RASSF10: variants seen among roughly 807,000 people sequenced by gnomAD.
RASSF10 encodes the protein ras association domain-containing protein 10.
Under a neutral mutation model 41.5 loss-of-function variants are expected in RASSF10, and 22 were observed. The observed-to-expected ratio is 0.53, with a 90% CI of 0.38 to 0.76. The LOEUF is 0.76. Among genes scored for constraint, RASSF10 ranks in the 30% least tolerant of loss-of-function variants. The probability of loss-of-function intolerance (pLI) is 0.00; values close to 1 mark genes in which losing one functional copy is unlikely to be tolerated. For synonymous variants in RASSF10, 364 were observed against 319.0 expected (o/e 1.14, Z -1.50); for missense variants, 776 against 711.8 (o/e 1.09, Z -1.03).
rs1199409041 is a variant in RASSF10 at position 13,011,982 on chromosome 11, G to T, written c.*882G>T. The stretch of plus-strand genomic sequence containing the variant: ...TTATTTCAGAAAAAAATAAAAGGAA[G>T]TAGCAGAATTCAAGTTACGCAAAAC... On this transcript the variant is annotated 3_prime_UTR_variant, in exon 1 of 1. Coordinates refer to ENST00000529419, the MANE Select transcript of RASSF10 (RefSeq NM_001080521.3). 3 of 152,226 alleles carry T rather than the reference G, an allele frequency of 2.0e-5. No homozygotes were observed. The highest frequency in any genetic ancestry group is 7.2e-5 in the African/African-American group (3 of 41,468). The allele number at this position is 152,226 out of a possible 1,614,324, so 9.4% of individuals were successfully genotyped here. A position where few individuals can be genotyped will look rare whatever the true frequency, so the allele number is the denominator to read the frequency against.
In RASSF10 at chr11:13,009,600, A is replaced by G; in HGVS notation, c.24A>G (p.Ile8Met). ...CCATGGATCCTTCGGAAAAGAAGAT[A>G]TCGGTGTGGATCTGCCAGGAAGAGA... Reference protein sequence around the residue: MDPSEKKISVWICQEEKL... With the variant: MDPSEKKMSVWICQEEKL... Residue 8 changes from isoleucine (I) to methionine (M), a missense_variant, in exon 1 of 1, where the codon ATA becomes ATG. Transcript: ENST00000529419. 6.2e-7 allele frequency: 1 copy of G among 1,611,072 alleles called. No homozygotes were observed. The highest frequency in any genetic ancestry group is 8.5e-7 in the Non-Finnish European group (1 of 1,178,696).
rs990379322 is a variant in RASSF10 at position 13,011,214 on chromosome 11, C to A, written c.*114C>A. On this transcript the variant is annotated 3_prime_UTR_variant, in exon 1 of 1. Coordinates refer to ENST00000529419, the MANE Select transcript of RASSF10 (RefSeq NM_001080521.3). ...CCAGGCTGTTGCGAGCCCAGAGCTC[C>A]GGCTGGGCAGCAGCGCTCTGCGCAG... The A allele has an allele frequency of 1.2e-6, 1 of 859,306 alleles. No individual in the cohort carries two copies. Among genetic ancestry groups the A allele is most frequent in the Non-Finnish European group, 1.8e-6 (1 of 570,446 alleles). 53.2% of individuals were successfully genotyped at this position (859,306 alleles called of 1,614,324 possible). A position where few individuals can be genotyped will look rare whatever the true frequency, so the allele number is the denominator to read the frequency against.
At position 13,009,445 on chromosome 11, in the gene RASSF10, G is replaced by A. The variant is rs757273109; in HGVS notation, c.-132G>A. On this transcript the variant is annotated 5_prime_UTR_variant, in exon 1 of 1. Coordinates refer to ENST00000529419, the MANE Select transcript of RASSF10 (RefSeq NM_001080521.3). Reference sequence around the variant, plus strand: ...AGCCTGCCTTCGGTGCGCAGCGGGGGAACAGGGCTAGTGCAGCCGCCGGAG... The same window carrying A: ...AGCCTGCCTTCGGTGCGCAGCGGGGAAACAGGGCTAGTGCAGCCGCCGGAG... 3 of 1,499,128 alleles carry A rather than the reference G, an allele frequency of 2.0e-6. No individual in the cohort carries two copies. Among genetic ancestry groups the A allele is most frequent in the Middle Eastern group, 1.8e-4 (1 of 5,502 alleles). The allele number at this position is 1,499,128 out of a possible 1,614,324, so 92.9% of individuals were successfully genotyped here.
chr11:13,010,818 C>T lies in RASSF10; in HGVS notation c.1242C>T (p.Asp414=), dbSNP rs376400099. The T allele has an allele frequency of 1.3e-5, 21 of 1,613,720 alleles. No homozygotes were observed. The highest frequency in any genetic ancestry group is 1.8e-5 in the Non-Finnish European group (21 of 1,179,856). The change falls in exon 1 of 1, where the codon GAC becomes GAT. Residue 414 remains aspartate (D), a synonymous_variant. Transcript: ENST00000529419. The surrounding 1 kb of genome is among the most constrained non-coding windows in gnomAD (Gnocchi z 4.8). Reference sequence around the variant, plus strand: ...CGGACCTAGAGGCCGTCAAGTCGGACTTGGATTACAGCCAGCAGCAATGGG... The same window carrying T: ...CGGACCTAGAGGCCGTCAAGTCGGATTTGGATTACAGCCAGCAGCAATGGG... ...LNTDLEAVKS[D]LDYSQQQWDS...
At position 13,010,176 on chromosome 11, in the gene RASSF10, G is replaced by A. The variant is rs755686531; in HGVS notation, c.600G>A (p.Ser200=). The A allele has an allele frequency of 1.9e-6, 3 of 1,591,128 alleles. No homozygotes were observed. Among genetic ancestry groups the A allele is most frequent in the Non-Finnish European group, 2.6e-6 (3 of 1,170,396 alleles). Residue 200 remains serine, a synonymous_variant, in exon 1 of 1, where the codon TCG becomes TCA. Transcript: ENST00000529419. This position sits in a 1 kb window ranked among gnomAD's most constrained non-coding sequence, Gnocchi z 4.8. ...RRQQQTPSSC[S]STSSSTASSC... ...AGCAGCAGACACCGTCGTCCTGTTC[G>A]TCCACTTCGTCGTCCACTGCCTCGT...
At position 13,010,648 on chromosome 11, in the gene RASSF10, T is replaced by A. The variant is rs769018272; in HGVS notation, c.1072T>A (p.Trp358Arg). The change falls in exon 1 of 1, where the codon TGG becomes AGG. Residue 358 changes from tryptophan to arginine, a missense_variant. Trp to Arg is a moderately radical substitution (Grantham distance 101). Transcript: ENST00000529419. The surrounding 1 kb of genome is among the most constrained non-coding windows in gnomAD (Gnocchi z 4.8). ...GATTCAGGAGGAACTCAACCAGAGG[T>A]GGATGCGACGGCGCCAGGAGGAGCT... is the stretch of plus-strand genomic sequence containing the variant. Reference protein sequence around the residue: ...AEIQEELNQRWMRRRQEELAA... With the variant: ...AEIQEELNQRRMRRRQEELAA... 6.3e-7 allele frequency: 1 copy of A among 1,590,908 alleles called. No individual in the cohort carries two copies. The highest frequency in any genetic ancestry group is 1.1e-5 in the South Asian group (1 of 87,500).
chr11:13,010,925 G>C lies in RASSF10; in HGVS notation c.1349G>C (p.Gly450Ala). ...ACGGTGGCACCGGATGGGGCTCCTG[G>C]CTCTGGCAGTCCCTCGCGGGAACCT... is the stretch of plus-strand genomic sequence containing the variant. ...ELTVAPDGAP[G>A]SGSPSREPGP... Residue 450 changes from glycine to alanine, a missense_variant, in exon 1 of 1, where the codon GGC becomes GCC. Transcript: ENST00000529419. The surrounding 1 kb of genome is among the most constrained non-coding windows in gnomAD (Gnocchi z 4.8). 6.2e-7 allele frequency: 1 copy of C among 1,613,758 alleles called. No individual in the cohort carries two copies. The highest frequency in any genetic ancestry group is 8.5e-7 in the Non-Finnish European group (1 of 1,179,872).
At position 13,012,015 on chromosome 11, in the gene RASSF10, GCTGTCTAACAAGCACTCTTTGA is replaced by G. The variant is rs1390292001; in HGVS notation, c.*916_*937del. ...ATTCAAGTTACGCAAAACAAAACTTGCTGTCTAACAAGCACTCTTTGAAAGCAAAGATGTTTTAGTGTTCAGC... is the reference window on the plus strand; with the variant it reads ...ATTCAAGTTACGCAAAACAAAACTTGAAGCAAAGATGTTTTAGTGTTCAGC... On this transcript the variant is annotated 3_prime_UTR_variant, in exon 1 of 1. Coordinates refer to ENST00000529419, the MANE Select transcript of RASSF10 (RefSeq NM_001080521.3). 6.6e-6 allele frequency: 1 copy of G among 152,182 alleles called. No homozygotes were observed. The highest frequency in any genetic ancestry group is 1.5e-5 in the Non-Finnish European group (1 of 68,034). 9.4% of individuals were successfully genotyped at this position (152,182 alleles called of 1,614,324 possible).
Position 13,010,218 on chromosome 11 carries a change from G to A in RASSF10, c.642G>A (p.Pro214=). ...CTGCCTCGTCCTGCTCTTCGTCGCCGCGGACCCACGAGAGCGCGTCGGTGG... is the reference window on the plus strand; with the variant it reads ...CTGCCTCGTCCTGCTCTTCGTCGCCACGGACCCACGAGAGCGCGTCGGTGG... ...SSTASSCSSS[P]RTHESASVER... The change falls in exon 1 of 1, where the codon CCG becomes CCA. Residue 214 remains proline, a synonymous_variant. Transcript: ENST00000529419. The surrounding 1 kb of genome is among the most constrained non-coding windows in gnomAD (Gnocchi z 4.8). The A allele has an allele frequency of 6.3e-7, 1 of 1,591,900 alleles. No individual in the cohort carries two copies. The highest frequency in any genetic ancestry group is 1.2e-5 in the South Asian group (1 of 86,690).
At position 13,010,443 on chromosome 11, in the gene RASSF10, A is replaced by G. The variant is rs1949568503; in HGVS notation, c.867A>G (p.Arg289=). The G allele has an allele frequency of 1.3e-6, 2 of 1,541,462 alleles. No homozygotes were observed. Among genetic ancestry groups the G allele is most frequent in the Non-Finnish European group, 1.8e-6 (2 of 1,140,750 alleles). The change falls in exon 1 of 1, where the codon AGA becomes AGG. Residue 289 remains arginine (R), a synonymous_variant. Transcript: ENST00000529419. The surrounding 1 kb of genome is among the most constrained non-coding windows in gnomAD (Gnocchi z 4.8). The part of the protein sequence containing the change: ...VGAGIELDGS[R]PGEEPEEVAA... ...CAGGCATCGAGCTCGACGGGTCCAG[A>G]CCGGGAGAGGAGCCAGAAGAGGTGG...
In RASSF10 at chr11:13,009,452, G is replaced by A; in HGVS notation, c.-125G>A. On this transcript the variant is annotated 5_prime_UTR_variant, in exon 1 of 1. Coordinates refer to ENST00000529419, the MANE Select transcript of RASSF10 (RefSeq NM_001080521.3). ...CTTCGGTGCGCAGCGGGGGAACAGG[G>A]CTAGTGCAGCCGCCGGAGGGGGGCA... is the stretch of plus-strand genomic sequence containing the variant. The A allele has an allele frequency of 2.0e-6, 3 of 1,506,240 alleles. No individual in the cohort carries two copies. Among genetic ancestry groups the A allele is most frequent in the African/African-American group, 1.4e-5 (1 of 71,896 alleles). The allele number at this position is 1,506,240 out of a possible 1,614,324, so 93.3% of individuals were successfully genotyped here.
rs1471536079 is a variant in RASSF10 at position 13,010,332 on chromosome 11, G to A, written c.756G>A (p.Glu252=). 1 of 1,551,592 alleles carries A rather than the reference G, an allele frequency of 6.4e-7. No individual in the cohort carries two copies. Among genetic ancestry groups the A allele is most frequent in the East Asian group, 2.4e-5 (1 of 40,920 alleles). Residue 252 remains glutamate (E), a synonymous_variant, in exon 1 of 1, where the codon GAG becomes GAA. Coordinates refer to ENST00000529419, the MANE Select transcript of RASSF10 (RefSeq NM_001080521.3). The surrounding 1 kb of genome is among the most constrained non-coding windows in gnomAD (Gnocchi z 4.8). ...AGCGGCTCCACGAGCTGGACCGCGA[G>A]ATCGATCACTACGAGGCCAAGGTGC... The part of the protein sequence containing the change: ...QVQRLHELDR[E]IDHYEAKVHL...
chr11:13,009,908 T>TG lies in RASSF10; in HGVS notation c.333dup (p.Arg112AlafsTer26), dbSNP rs770273317. The TG allele has an allele frequency of 6.2e-7, 1 of 1,602,720 alleles. No homozygotes were observed. The highest frequency in any genetic ancestry group is 8.5e-7 in the Non-Finnish European group (1 of 1,175,106). On this transcript the variant is annotated frameshift_variant, in exon 1 of 1. Coordinates refer to ENST00000529419, the MANE Select transcript of RASSF10 (RefSeq NM_001080521.3). LOFTEE classifies it high-confidence loss of function. ...ATCCTCCCCAACAAGACGCGCATCTTGCGCCTCTGGGCTGCCTGGGGCGAA... is the reference window on the plus strand; with the variant it reads ...ATCCTCCCCAACAAGACGCGCATCTTGGCGCCTCTGGGCTGCCTGGGGCGAA...
rs775746979 is a variant in RASSF10, at chr11:13,009,799, G to C, written c.223G>C (p.Asp75His). 6.2e-7 allele frequency: 1 copy of C among 1,607,136 alleles called. No homozygotes were observed. The highest frequency in any genetic ancestry group is 1.1e-5 in the South Asian group (1 of 90,082). ...PEPPNEDDED[D>H]DEALPQGMLC... Reference sequence around the variant, plus strand: ...ACCCCCGAACGAGGACGACGAGGACGACGACGAGGCGCTGCCGCAGGGCAT... The same window carrying C: ...ACCCCCGAACGAGGACGACGAGGACCACGACGAGGCGCTGCCGCAGGGCAT... Residue 75 changes from aspartate to histidine, a missense_variant, in exon 1 of 1, where the codon GAC becomes CAC. By Grantham distance (81) the Asp-to-His change is moderately conservative. Coordinates refer to ENST00000529419, the MANE Select transcript of RASSF10 (RefSeq NM_001080521.3).
Position 13,009,937 on chromosome 11 carries a change from C to G in RASSF10, c.361C>G (p.Gln121Glu). ...CCTCTGGGCTGCCTGGGGCGAAGAGCAAGAGAATGTGCGCTTCGTGCTAGT... is the reference window on the plus strand; with the variant it reads ...CCTCTGGGCTGCCTGGGGCGAAGAGGAAGAGAATGTGCGCTTCGTGCTAGT... ...LRLWAAWGEE[Q>E]ENVRFVLVRS... The change falls in exon 1 of 1, where the codon CAA (glutamine) becomes GAA (glutamate). Residue 121 changes from glutamine (Q) to glutamate (E), a missense_variant. By Grantham distance (29) the Gln-to-Glu change is conservative. Transcript: ENST00000529419. 1 of 1,591,370 alleles carries G rather than the reference C, an allele frequency of 6.3e-7. No individual in the cohort carries two copies.
rs757283988 is a variant in RASSF10, at chr11:13,009,516, T to C, written c.-61T>C. 44 of 1,568,434 alleles carry C rather than the reference T, an allele frequency of 2.8e-5. No individual in the cohort carries two copies. The South Asian group carries it at 4.9e-4, about 18-fold the overall frequency. Reference sequence around the variant, plus strand: ...CATCCCAGAGCTACTGGGCTGCCCTTGCTGTCCTCGCCGCCCCAGCAGACC... The same window carrying C: ...CATCCCAGAGCTACTGGGCTGCCCTCGCTGTCCTCGCCGCCCCAGCAGACC... On this transcript the variant is annotated 5_prime_UTR_variant, in exon 1 of 1. Coordinates refer to ENST00000529419, the MANE Select transcript of RASSF10 (RefSeq NM_001080521.3).
In RASSF10 at chr11:13,009,798, C is replaced by A. The variant is rs772126598; in HGVS notation, c.222C>A (p.Asp74Glu). Residue 74 changes from aspartate (D) to glutamate (E), a missense_variant, in exon 1 of 1, where the codon GAC becomes GAA. Transcript: ENST00000529419. ...AACCCCCGAACGAGGACGACGAGGA[C>A]GACGACGAGGCGCTGCCGCAGGGCA... The part of the protein sequence containing the change: ...LPEPPNEDDE[D>E]DDEALPQGML... The A allele has an allele frequency of 4.0e-5, 65 of 1,606,774 alleles. No individual in the cohort carries two copies. The highest frequency in any genetic ancestry group is 8.4e-5 in the Admixed American group (5 of 59,432).
At position 13,009,562 on chromosome 11, in the gene RASSF10, C is replaced by A. The variant is rs371726705; in HGVS notation, c.-15C>A. 1.9e-6 allele frequency: 3 copies of A among 1,601,798 alleles called. No individual in the cohort carries two copies. In the South Asian group the frequency reaches 3.3e-5, roughly 18 times the overall value. ...AGACCCCGGCCGGACCTGCCACCTG[C>A]GCCCTGGTTGCGCCATGGATCCTTC... On this transcript the variant is annotated 5_prime_UTR_variant, in exon 1 of 1. Transcript: ENST00000529419.
At position 13,011,098 on chromosome 11, in the gene RASSF10, T is replaced by A; in HGVS notation, c.1522T>A (p.Ter508LysextTer120). ...DSLPMCESLV[*>K] ...CTTGCCCATGTGCGAATCCCTTGTG[T>A]AGGGGTGGGGGGCGGGGGGCGGGGG... is the stretch of plus-strand genomic sequence containing the variant. The change falls in exon 1 of 1, where the codon TAG (stop) becomes AAG (lysine). Residue 508 changes from the stop codon to lysine, a stop_lost. Coordinates refer to ENST00000529419, the MANE Select transcript of RASSF10 (RefSeq NM_001080521.3). 6.5e-6 allele frequency: 1 copy of A among 154,862 alleles called. No homozygotes were observed. The highest frequency in any genetic ancestry group is 1.4e-4 in the South Asian group (1 of 7,156). The allele number at this position is 154,862 out of a possible 1,614,324, so 9.6% of individuals were successfully genotyped here. A position where few individuals can be genotyped will look rare whatever the true frequency, so the allele number is the denominator to read the frequency against.
Sources: allele counts gnomAD v4.1 joint callset, GRCh38; gene constraint gnomAD v4.1.1; non-coding constraint Gnocchi (gnomAD v3.1); transcripts MANE v1.5; gene names NCBI Gene and HGNC (gene_info 2026-07-23, HGNC 2026-07-21).